ASTN2: variants seen among roughly 807,000 people sequenced by gnomAD.
The protein encoded by ASTN2 is astrotactin-2.
In ASTN2, 54 loss-of-function variants were observed where a neutral mutation model predicts 139.8. That is an observed-to-expected ratio of 0.39 (90% CI 0.31 to 0.48). The LOEUF is 0.48. Ranked by LOEUF, ASTN2 falls within the 20% of genes least tolerant of loss-of-function variation. The pLI, the probability that ASTN2 is intolerant of heterozygous loss-of-function variation, is 0.95. For synonymous variants in ASTN2, 756 were observed against 719.5 expected (o/e 1.05, Z -0.81); for missense variants, 1,565 against 1,725.1 (o/e 0.91, Z 1.64).
At chr9:117,223,051 A>C (rs1832578763) in intron 2 of ASTN2, among the ~76,000 whole-genome samples, 1 of 152,232 alleles carries the variant, frequency 6.6e-6, no homozygotes, top group South Asian at 2.1e-4. Flanking sequence ...AACATATTGC[A>C]AAAGGCATAA....
chr9:116,930,544 G>A (rs1834868616), intron 10 of ASTN2, among the ~76,000 whole-genome samples: 1 of 152,080 alleles, frequency 6.6e-6, no homozygotes, highest in Non-Finnish European at 1.5e-5. Context: ...CTTCTGAGCA[G>A]GGTTATGCTG....
chr9:116,837,779 C>G (rs1177320521), intron 11 of ASTN2, among the ~76,000 whole-genome samples: 2 of 152,168 alleles, frequency 1.3e-5, no homozygotes, highest in Non-Finnish European at 2.9e-5. Flanking sequence ...TGGGGGACTT[C>G]CTGCTGATGC....
At chr9:116,875,968 T>C (rs1588375014) in intron 10 of ASTN2, among the ~76,000 whole-genome samples, 1 of 152,226 alleles carries the variant, frequency 6.6e-6, no homozygotes, top group East Asian at 1.9e-4. Flanking sequence ...TTGCAGCCCA[T>C]GCATGAAGAA....
At chr9:117,149,641 A>G (rs937234787) in intron 3 of ASTN2, among the ~76,000 whole-genome samples, 2 of 152,188 alleles carry the variant, frequency 1.3e-5, no homozygotes, top group African/African-American at 2.4e-5. Flanking sequence ...AAACCATCCA[A>G]TTTGGAAATT....
intron 12 of ASTN2, among the ~76,000 whole-genome samples, chr9:116,815,953 C>G (rs1423902070): frequency 1.3e-5 from 2 of 151,910 alleles, no homozygotes. Context: ...TACAACTTTC[C>G]TTTTCTCATA....
intron 22 of ASTN2, 21 bp from the exon 23 acceptor site, chr9:116,426,109 G>T (rs756905638): frequency 3.8e-5 from 61 of 1,609,350 alleles, no homozygotes; most frequent in Non-Finnish European, 5.2e-5. Context: ...GGATGAGACA[G>T]CCATGATTAA....
chr9:117,163,117 G>C (rs1830590571), intron 3 of ASTN2, among the ~76,000 whole-genome samples: 1 of 152,066 alleles, frequency 6.6e-6, no homozygotes, highest in Non-Finnish European at 1.5e-5. Flanking sequence ...GTTACAAACA[G>C]TAGCTAAAAA....
chr9:116,463,461 C>T (rs1848554321), intron 20 of ASTN2, among the ~76,000 whole-genome samples: 1 of 152,214 alleles, frequency 6.6e-6, no homozygotes, highest in African/African-American at 2.4e-5. Context: ...TTATATGCTT[C>T]AGCAATACCA....
At chr9:117,043,907 C>CAAAAAAAAAAAAAAAAAA (rs10713427) in intron 5 of ASTN2, among the ~76,000 whole-genome samples, 2 of 119,318 alleles carry the variant, frequency 1.7e-5, no homozygotes, top group African/African-American at 3.2e-5. Context: ...GACTCTGTCT[C>CAAAAAAAAAAAAAAAAAA]AAAAAAAAAA....
At chr9:116,986,674 C>T (rs1260990777) in intron 7 of ASTN2, among the ~76,000 whole-genome samples, 1 of 152,188 alleles carries the variant, frequency 6.6e-6, no homozygotes, top group Non-Finnish European at 1.5e-5. Flanking sequence ...CTATTACTAA[C>T]CCCATCTTGC....
intron 20 of ASTN2, among the ~76,000 whole-genome samples, chr9:116,469,350 C>T (rs1366917813): frequency 6.6e-6 from 1 of 151,990 alleles, no homozygotes; most frequent in Non-Finnish European, 1.5e-5. Flanking sequence ...GTCATAGAAC[C>T]AGTTCACCAA....
chr9:117,385,592 A>G (rs894801634), intron 1 of ASTN2, among the ~76,000 whole-genome samples: 1 of 152,086 alleles, frequency 6.6e-6, no homozygotes, highest in African/African-American at 2.4e-5. Context: ...AGGATAGGAA[A>G]CATTGACAAC....
chr9:117,027,815 C>T (rs759327573), intron 6 of ASTN2, among the ~76,000 whole-genome samples: 43 of 152,146 alleles, frequency 2.8e-4, no homozygotes, highest in Non-Finnish European at 4.3e-4. Context: ...CATGTGATCC[C>T]TGTGAGGGTG....
intron 16 of ASTN2, chr9:116,686,611 A>G: frequency 7.3e-7 from 1 of 1,376,776 alleles, no homozygotes. Context: ...GATTCCCTCA[A>G]ATCTCAGGCC....
intron 16 of ASTN2, among the ~76,000 whole-genome samples, chr9:116,714,446 A>G (rs1828258136): frequency 6.6e-6 from 1 of 152,248 alleles, no homozygotes; most frequent in Admixed American, 6.5e-5. Context: ...TCTCATGATA[A>G]TAATGAATGA....
chr9:116,893,107 G>A (rs1375812156), intron 10 of ASTN2, among the ~76,000 whole-genome samples: 1 of 151,696 alleles, frequency 6.6e-6, no homozygotes, highest in Non-Finnish European at 1.5e-5. Flanking sequence ...AAGAGCATGA[G>A]TTTTTATCTG....
intron 1 of ASTN2, among the ~76,000 whole-genome samples, chr9:117,380,802 C>G (rs951054258): frequency 8.5e-5 from 13 of 152,076 alleles, no homozygotes; most frequent in African/African-American, 3.1e-4. Flanking sequence ...AACCTAGTAG[C>G]TGATGGAAAG....
rs35773511 is a variant in ASTN2, at chr9:117,346,010, C to CAAAAA, written c.443-54502_443-54498dup. On this transcript the variant is annotated intron_variant, in intron 1 of 22. Transcript: ENST00000313400. ...CATTGCCACTTAGTGAACTAAGAGG[C>CAAAAA]AAAAAAAAAAAAAAAAGGAAAAGGA... 6.3e-3 allele frequency among the ~76,000 whole-genome samples: 581 copies of CAAAAA among 92,306 alleles called. 14 individuals carry two copies. Among genetic ancestry groups the CAAAAA allele is most frequent in the African/African-American group, 0.019 (490 of 26,252 alleles). 60.6% of individuals were successfully genotyped at this position (92,306 alleles called of 152,430 possible). A position where few individuals can be genotyped will look rare whatever the true frequency, so the allele number is the denominator to read the frequency against.
At chr9:116,645,531 T>C (rs149096230) in intron 17 of ASTN2, among the ~76,000 whole-genome samples, 47 of 152,170 alleles carry the variant, frequency 3.1e-4, no homozygotes, top group African/African-American at 1.0e-3. Flanking sequence ...CGAGAATACC[T>C]TGGTCCAGAA....
Sources: allele counts gnomAD v4.1 joint callset (sites outside exome capture counted in the v4.1 genomes callset), GRCh38; gene constraint gnomAD v4.1.1; transcripts MANE v1.5; gene names NCBI Gene and HGNC (gene_info 2026-07-23, HGNC 2026-07-21).